Variants in ADCY6 observed in about 807,000 individuals in gnomAD.
ADCY6 encodes the protein adenylate cyclase type 6.
Under a neutral mutation model 111.6 loss-of-function variants are expected in ADCY6, and 59 were observed. The observed-to-expected ratio is 0.53, with a 90% CI of 0.43 to 0.66. ADCY6 has a LOEUF of 0.66. Among genes scored for constraint, ADCY6 ranks in the 30% least tolerant of loss-of-function variants. The probability of loss-of-function intolerance (pLI) is 0.00; values close to 1 mark genes in which losing one functional copy is unlikely to be tolerated. For synonymous variants in ADCY6, 576 were observed against 642.9 expected (o/e 0.90, Z 1.57); for missense variants, 1,242 against 1,595.6 (o/e 0.78, Z 3.78).
chr12:48,776,233 G>A lies in ADCY6; in HGVS notation c.1653C>T (p.Leu551=). 6.2e-7 allele frequency: 1 copy of A among 1,614,212 alleles called. No individual in the cohort carries two copies. Among genetic ancestry groups the A allele is most frequent in the Non-Finnish European group, 8.5e-7 (1 of 1,180,042 alleles). Residue 551 remains leucine, a synonymous_variant, in exon 8 of 22, where the codon CTC becomes CTT. Transcript: ENST00000357869. This position sits in a 1 kb window ranked among gnomAD's most constrained non-coding sequence, Gnocchi z 6.1. ...CCCGTTTCTGGCTGGCGCCCAGGAT[G>A]AGGAAAGTCTCAATGTGCTGCTCCT... The part of the protein sequence containing the change: ...YLKEQHIETF[L]ILGASQKRKE...
At position 48,774,101 on chromosome 12, in the gene ADCY6, G is replaced by A; in HGVS notation, c.2284-3C>T. The A allele has an allele frequency of 1.2e-6, 2 of 1,604,692 alleles. No homozygotes were observed. The highest frequency in any genetic ancestry group is 1.7e-6 in the Non-Finnish European group (2 of 1,174,948). ...ATGGGGGTGTGGTTACAGGTGAACT[G>A]CAAAAGTGGAGGGGTATATCAGGGT... On this transcript the variant is annotated splice_region_variant and splice_polypyrimidine_tract_variant and intron_variant, in intron 14 of 21. Coordinates refer to ENST00000357869, the MANE Select transcript of ADCY6 (RefSeq NM_015270.5).
intron 3 of ADCY6, 32 bp downstream of exon 3, chr12:48,778,076 G>A (rs972756730): frequency 3.8e-6 from 6 of 1,585,398 alleles, no homozygotes; most frequent in South Asian, 3.4e-5. Flanking sequence ...GGTAAGGTGG[G>A]GGCAGGCCCT....
In ADCY6 at chr12:48,782,777, C is replaced by T; in HGVS notation, c.658G>A (p.Ala220Thr). 6.2e-7 allele frequency: 1 copy of T among 1,613,154 alleles called. No homozygotes were observed. Among genetic ancestry groups the T allele is most frequent in the Non-Finnish European group, 8.5e-7 (1 of 1,179,588 alleles). Residue 220 changes from alanine to threonine, a missense_variant, in exon 2 of 22, where the codon GCG becomes ACG. This residue lies in a region of ADCY6 where 362 missense variants were observed against 377.2 expected (regional missense o/e 0.96). Transcript: ENST00000357869. This position sits in a 1 kb window ranked among gnomAD's most constrained non-coding sequence, Gnocchi z 4.3. ...AGAGCGCCCCCGACCTGCACTGCCGCCAGGATGCCCAGCACCACGTAGCTC... is the reference window on the plus strand; with the variant it reads ...AGAGCGCCCCCGACCTGCACTGCCGTCAGGATGCCCAGCACCACGTAGCTC... ...VVSYVVLGIL[A>T]AVQVGGALAA...
upstream of ADCY6, chr12:48,789,859 C>G (rs1342099132): frequency 2.0e-5 from 3 of 152,194 alleles, no homozygotes; most frequent in East Asian, 5.8e-4. Flanking sequence ...CCCTCCCCCG[C>G]ACCTGCCAAC....
rs779583965 is a variant in ADCY6, at chr12:48,773,918, C to T, written c.2442+22G>A. ...GTCTGTGCCAGGACAGCCCCCCCAC[C>T]GCCTGAGCACTGCTCGAACACCTCA... On this transcript the variant is annotated intron_variant, in intron 15 of 21. Coordinates refer to ENST00000357869, the MANE Select transcript of ADCY6 (RefSeq NM_015270.5). The T allele has an allele frequency of 7.4e-6, 12 of 1,611,532 alleles. No homozygotes were observed. In the South Asian group the frequency reaches 8.8e-5, roughly 12 times the overall value.
At position 48,768,705 on chromosome 12, in the gene ADCY6, G is replaced by A; in HGVS notation, c.3393C>T (p.Asp1131=). 1 of 1,614,068 alleles carries A rather than the reference G, an allele frequency of 6.2e-7. No homozygotes were observed. The change falls in exon 22 of 22, where the codon GAC becomes GAT. Residue 1131 remains aspartate, a synonymous_variant. Transcript: ENST00000357869. ...CCTTGGCAGCTAGAACCTGGTACAGGTCCGTGGTCACCTGGGGGAGTGGGA... is the reference window on the plus strand; with the variant it reads ...CCTTGGCAGCTAGAACCTGGTACAGATCCGTGGTCACCTGGGGGAGTGGGA... ...GVPDRIQVTT[D]LYQVLAAKGY... is the part of the protein sequence containing the mutation.
chr12:48,777,264 C>G lies in ADCY6; in HGVS notation c.1249-33G>C, dbSNP rs1261375701. 8.1e-6 allele frequency: 13 copies of G among 1,602,078 alleles called. No individual in the cohort carries two copies. The highest frequency in any genetic ancestry group is 1.0e-5 in the Non-Finnish European group (12 of 1,174,068). On this transcript the variant is annotated intron_variant, in intron 5 of 21. Coordinates refer to ENST00000357869, the MANE Select transcript of ADCY6 (RefSeq NM_015270.5). This position sits in a 1 kb window ranked among gnomAD's most constrained non-coding sequence, Gnocchi z 4.9. The stretch of plus-strand genomic sequence containing the variant: ...GGAAGGAATTGGAGGGAAGGGTAAC[C>G]TTTACTCTCTTGCCCACCCAGCCTG...
intron 9 of ADCY6, 130 bp from the exon 10 acceptor site, chr12:48,775,828 A>T (rs1941683297): frequency 1.3e-6 from 2 of 1,512,478 alleles, no homozygotes; most frequent in Admixed American, 4.0e-5. Context: ...GGGACCCGAG[A>T]TGAAATCTTC....
intron 20 of ADCY6, among the ~76,000 whole-genome samples, chr12:48,769,609 T>C (rs1286721887): frequency 2.6e-4 from 39 of 149,704 alleles, no homozygotes; most frequent in Non-Finnish European, 4.7e-4. Context: ...TTTTTTGAGA[T>C]GGAGTCTTGC....
chr12:48,770,063 A>ATTT (rs35784184), intron 20 of ADCY6, among the ~76,000 whole-genome samples: 2 of 112,876 alleles, frequency 1.8e-5, no homozygotes, highest in Non-Finnish European at 3.6e-5. Context: ...GCCCGGCCTA[A>ATTT]TTTTTTTTTT....
chr12:48,773,368 C>T (rs1484831572), intron 16 of ADCY6, 101 bp downstream of exon 16: 3 of 1,341,848 alleles, frequency 2.2e-6, no homozygotes, highest in Non-Finnish European at 3.1e-6. Context: ...GGTGTTGTGG[C>T]ATTCCAAGGC....
At position 48,776,734 on chromosome 12, in the gene ADCY6, G is replaced by A; in HGVS notation, c.1377-148C>T. 8.9e-7 allele frequency: 1 copy of A among 1,121,072 alleles called. No homozygotes were observed. The highest frequency in any genetic ancestry group is 1.2e-6 in the Non-Finnish European group (1 of 811,024). The allele number at this position is 1,121,072 out of a possible 1,614,324, so 69.4% of individuals were successfully genotyped here. A position where few individuals can be genotyped will look rare whatever the true frequency, so the allele number is the denominator to read the frequency against. ...GCACAGCCTTGGTTGGACATGAGCA[G>A]AAGGCTGCATGGGGCTCAAGGACAA... On this transcript the variant is annotated intron_variant, in intron 6 of 21. Coordinates refer to ENST00000357869, the MANE Select transcript of ADCY6 (RefSeq NM_015270.5). This position sits in a 1 kb window ranked among gnomAD's most constrained non-coding sequence, Gnocchi z 6.1.
rs1347077179 is a variant in ADCY6, at chr12:48,768,806, C to G, written c.3382-90G>C. On this transcript the variant is annotated intron_variant, in intron 21 of 21. Transcript: ENST00000357869. ...GGGGTTCTCTAGTCAGGCTAGCTCCCTTCCCCCAGTCCCTGCCCCACCATA... is the reference window on the plus strand; with the variant it reads ...GGGGTTCTCTAGTCAGGCTAGCTCCGTTCCCCCAGTCCCTGCCCCACCATA... 3.8e-6 allele frequency: 6 copies of G among 1,563,254 alleles called. No homozygotes were observed. The African/African-American group carries it at 8.1e-5, about 21-fold the overall frequency.
In ADCY6 at chr12:48,782,904, C is replaced by G. The variant is rs1941885421; in HGVS notation, c.531G>C (p.Gln177His). The G allele has an allele frequency of 3.1e-6, 5 of 1,613,614 alleles. No individual in the cohort carries two copies. The highest frequency in any genetic ancestry group is 4.2e-6 in the Non-Finnish European group (5 of 1,179,960). ...LAFHAAPARP[Q>H]PAYVALLACA... The stretch of plus-strand genomic sequence containing the variant: ...AGGCCAACAGTGCCACATAGGCAGG[C>G]TGAGGGCGGGCGGGTGCGGCGTGGA... Residue 177 changes from glutamine to histidine, a missense_variant, in exon 2 of 22, where the codon CAG becomes CAC. Around this residue, in one of 4 missense-constraint regions of ADCY6, gnomAD observed 362 missense variants for 377.2 expected, o/e 0.96. Transcript: ENST00000357869. The surrounding 1 kb of genome is among the most constrained non-coding windows in gnomAD (Gnocchi z 4.3).
intron 2 of ADCY6, among the ~76,000 whole-genome samples, chr12:48,780,035 A>C (rs995233303): frequency 6.6e-6 from 1 of 152,044 alleles, no homozygotes; most frequent in Admixed American, 6.6e-5. Context: ...GGGGCACACT[A>C]TCTCCCTTGG....
At position 48,774,751 on chromosome 12, in the gene ADCY6, G is replaced by T. The variant is rs1353002190; in HGVS notation, c.2106C>A (p.Ala702=). Residue 702 remains alanine (A), a synonymous_variant, in exon 13 of 22, where the codon GCC becomes GCA. Coordinates refer to ENST00000357869, the MANE Select transcript of ADCY6 (RefSeq NM_015270.5). ...TGATTAGCAGCAGCAGGAAGATGCT[G>T]GCATAGATCCCAAGCATCAGGGTGG... The part of the protein sequence containing the change: ...PHSTLMLGIY[A]SIFLLLLITV... The T allele has an allele frequency of 6.8e-6, 11 of 1,614,100 alleles. No homozygotes were observed. Among genetic ancestry groups the T allele is most frequent in the Non-Finnish European group, 8.5e-6 (10 of 1,180,012 alleles).
intron 1 of ADCY6, among the ~76,000 whole-genome samples, chr12:48,784,727 C>T (rs969763082): frequency 3.0e-5 from 4 of 134,020 alleles, no homozygotes; most frequent in Admixed American, 8.5e-5. Flanking sequence ...GGCTGGAGTG[C>T]AGTGGCACGA....
In ADCY6 at chr12:48,777,023, T is replaced by C; in HGVS notation, c.1376+81A>G. On this transcript the variant is annotated intron_variant, in intron 6 of 21. Coordinates refer to ENST00000357869, the MANE Select transcript of ADCY6 (RefSeq NM_015270.5). The surrounding 1 kb of genome is among the most constrained non-coding windows in gnomAD (Gnocchi z 4.9). ...ACAGAGAAAGCCAAAACTGAGGAAA[T>C]CTCCTGAGGTCTCATCAAAAAGTAG... is the stretch of plus-strand genomic sequence containing the variant. 6.7e-7 allele frequency: 1 copy of C among 1,494,936 alleles called. No individual in the cohort carries two copies. The allele number at this position is 1,494,936 out of a possible 1,614,324, so 92.6% of individuals were successfully genotyped here.
intron 2 of ADCY6, among the ~76,000 whole-genome samples, chr12:48,781,217 A>G (rs1197989375): frequency 6.7e-6 from 1 of 149,138 alleles, no homozygotes; most frequent in East Asian, 2.0e-4. Flanking sequence ...AAAAAAAACC[A>G]CAAAAAAAAC....
Sources: allele counts gnomAD v4.1 joint callset (sites outside exome capture counted in the v4.1 genomes callset), GRCh38; gene constraint gnomAD v4.1.1; regional missense constraint gnomAD v4.1.1; non-coding constraint Gnocchi (gnomAD v3.1); transcripts MANE v1.5; gene names NCBI Gene and HGNC (gene_info 2026-07-23, HGNC 2026-07-21).